ATP10B: variants seen among roughly 807,000 people sequenced by gnomAD.
ATP10B encodes ATPase phospholipid transporting 10B (putative), also known as phospholipid-transporting ATPase VB.
In ATP10B, 122 loss-of-function variants were observed where a neutral mutation model predicts 141.2. That is an observed-to-expected ratio of 0.86 (90% CI 0.75 to 1.00). ATP10B has a LOEUF of 1.00. Ranked by LOEUF, ATP10B falls within the 50% of genes least tolerant of loss-of-function variation. The pLI, the probability that ATP10B is intolerant of heterozygous loss-of-function variation, is 0.00. For missense variants in ATP10B, 1,876 were observed against 1,825.3 expected (o/e 1.03, Z -0.51); for synonymous variants, 685 against 692.0 (o/e 0.99, Z 0.16).
intron 13 of ATP10B, among the ~76,000 whole-genome samples, chr5:160,624,074 A>T (rs146445581): frequency 1.1e-4 from 17 of 152,316 alleles, no homozygotes; most frequent in African/African-American, 3.8e-4. Context: ...CAGTGTTCTG[A>T]GTTCACAGCT....
At chr5:160,886,506 G>A in the ATP10B span, among the ~76,000 whole-genome samples, 1 of 152,108 alleles carries the variant, frequency 6.6e-6, no homozygotes, top group African/African-American at 2.4e-5. Flanking sequence ...AGAAGTTAAA[G>A]CCCATCTGGG....
At chr5:160,590,525 A>G (rs1756218120) in intron 23 of ATP10B, among the ~76,000 whole-genome samples, 1 of 150,346 alleles carries the variant, frequency 6.7e-6, no homozygotes, top group Non-Finnish European at 1.5e-5. Context: ...TCAAACTGAG[A>G]TTGGGCTGGT....
intron 2 of ATP10B, among the ~76,000 whole-genome samples, chr5:160,750,882 T>A (rs1768108055): frequency 6.6e-6 from 1 of 152,186 alleles, no homozygotes; most frequent in Non-Finnish European, 1.5e-5. Context: ...TCTGCATGGT[T>A]CACTCTCTCA....
intron 1 of ATP10B, among the ~76,000 whole-genome samples, chr5:160,820,644 A>G (rs1774030960): frequency 6.6e-6 from 1 of 152,130 alleles, no homozygotes; most frequent in South Asian, 2.1e-4. Context: ...AATCCTCAAC[A>G]AAATATTAGC....
At chr5:160,885,233 C>T in the ATP10B span, among the ~76,000 whole-genome samples, 8 of 152,282 alleles carry the variant, frequency 5.3e-5, no homozygotes, top group African/African-American at 1.9e-4. Context: ...AATTGCAGAG[C>T]TCTGATTGTT....
In ATP10B at chr5:160,607,040, T is replaced by C. The variant is rs1754407488; in HGVS notation, c.2885A>G (p.Gln962Arg). Residue 962 changes from glutamine to arginine, a missense_variant, in exon 19 of 26, where the codon CAA (glutamine) becomes CGA (arginine). Physicochemically the swap from Gln to Arg is conservative, Grantham distance 43. Coordinates refer to ENST00000327245, the MANE Select transcript of ATP10B (RefSeq NM_025153.3). ...GTCTGGCTTCTGTAGTTCACGAAAT[T>C]GCTTTAGCTCTTCCAATGCACAATT... ...ILNCALEELK[Q>R]FRELQKPDRK... 1.2e-6 allele frequency: 2 copies of C among 1,614,006 alleles called. No individual in the cohort carries two copies. Among genetic ancestry groups the C allele is most frequent in the African/African-American group, 1.3e-5 (1 of 74,910 alleles).
the ATP10B span, among the ~76,000 whole-genome samples, chr5:160,925,701 C>G: frequency 6.6e-6 from 1 of 152,230 alleles, no homozygotes; most frequent in Non-Finnish European, 1.5e-5. Context: ...GCCTTGTAAA[C>G]AATGTGTACT....
intron 2 of ATP10B, among the ~76,000 whole-genome samples, chr5:160,725,913 T>C (rs1341292270): frequency 6.6e-6 from 1 of 152,128 alleles, no homozygotes; most frequent in Non-Finnish European, 1.5e-5. Flanking sequence ...GTTTTTTTCT[T>C]TTTGATTATA....
chr5:160,828,321 G>A (rs1197493256), intron 1 of ATP10B, among the ~76,000 whole-genome samples: 1 of 151,954 alleles, frequency 6.6e-6, no homozygotes, highest in Non-Finnish European at 1.5e-5. Context: ...TCTGACAAAG[G>A]GCTAATATCC....
intron 3 of ATP10B, among the ~76,000 whole-genome samples, chr5:160,706,136 A>G (rs1764998964): frequency 6.6e-6 from 1 of 152,194 alleles, no homozygotes; most frequent in Admixed American, 6.5e-5. Context: ...TACAATAGTA[A>G]CATCAAAGAT....
chr5:160,563,828 A>T lies in ATP10B; in HGVS notation c.*1625T>A, dbSNP rs1275898400. 2 of 152,152 alleles carry T rather than the reference A, an allele frequency of 1.3e-5. No homozygotes were observed. Among genetic ancestry groups the T allele is most frequent in the Non-Finnish European group, 1.5e-5 (1 of 68,030 alleles). The allele number at this position is 152,152 out of a possible 1,614,324, so 9.4% of individuals were successfully genotyped here. ...CTCACTGGAAACAATTCACATCATC[A>T]TCACTTTGCCAGGTATGTGTACCTG... On this transcript the variant is annotated 3_prime_UTR_variant, in exon 26 of 26. Coordinates refer to ENST00000327245, the MANE Select transcript of ATP10B (RefSeq NM_025153.3).
intron 1 of ATP10B, among the ~76,000 whole-genome samples, chr5:160,819,736 CA>C (rs1396733931): frequency 6.6e-6 from 1 of 151,972 alleles, no homozygotes; most frequent in East Asian, 1.9e-4. Flanking sequence ...TTTGTTTATG[CA>C]AACAATGTTA....
rs1014054936 is a variant in ATP10B, at chr5:160,851,969, A to C, written c.-604T>G. ...AGCAAAGCTGACGTCCCTATTGAGC[A>C]GACTCCAGTAGAAGAAAACAGTGCT... On this transcript the variant is annotated 5_prime_UTR_variant, in exon 1 of 26. Transcript: ENST00000327245. The C allele has an allele frequency of 6.6e-6, 1 of 152,210 alleles. No individual in the cohort carries two copies. Among genetic ancestry groups the C allele is most frequent in the African/African-American group, 2.4e-5 (1 of 41,464 alleles). 9.4% of individuals were successfully genotyped at this position (152,210 alleles called of 1,614,324 possible).
the ATP10B span, among the ~76,000 whole-genome samples, chr5:160,905,425 C>T: frequency 6.6e-6 from 1 of 152,170 alleles, no homozygotes. Flanking sequence ...CTGGGTTCCT[C>T]AGGTATAAGA....
intron 2 of ATP10B, among the ~76,000 whole-genome samples, chr5:160,718,147 T>A (rs1225039501): frequency 6.6e-6 from 1 of 152,228 alleles, no homozygotes; most frequent in South Asian, 2.1e-4. Context: ...AAAGCAGCAA[T>A]GTACTTGAGG....
intron 1 of ATP10B, among the ~76,000 whole-genome samples, chr5:160,821,915 C>A (rs1438358723): frequency 6.6e-6 from 1 of 151,932 alleles, no homozygotes; most frequent in Admixed American, 6.6e-5. Flanking sequence ...CTACTGAAAG[C>A]AAACATTAAG....
intron 2 of ATP10B, among the ~76,000 whole-genome samples, chr5:160,739,833 G>A (rs1162546078): frequency 2.6e-5 from 4 of 151,394 alleles, no homozygotes; most frequent in South Asian, 2.1e-4. Context: ...TTTTAAAATT[G>A]TATTTTATTA....
intron 13 of ATP10B, among the ~76,000 whole-genome samples, chr5:160,623,875 CT>C (rs1758483009): frequency 1.3e-5 from 2 of 152,106 alleles, no homozygotes; most frequent in South Asian, 4.1e-4. Flanking sequence ...TTCTTATGTC[CT>C]TGTTTAATCT....
At chr5:160,778,610 A>G (rs1241120439) in intron 2 of ATP10B, among the ~76,000 whole-genome samples, 2 of 152,256 alleles carry the variant, frequency 1.3e-5, no homozygotes, top group Non-Finnish European at 2.9e-5. Flanking sequence ...GCTCTGGGCA[A>G]GACAATCCAC....
Sources: gnomAD v4.1 joint callset for allele counts (sites outside exome capture counted in the v4.1 genomes callset) on GRCh38, gnomAD v4.1.1 for gene constraint, MANE v1.5 for transcripts, NCBI Gene and HGNC (gene_info 2026-07-23, HGNC 2026-07-21) for gene names.